TENM2: variants seen among roughly 807,000 people sequenced by gnomAD.
The protein encoded by TENM2 is teneurin transmembrane protein 2.
A neutral mutation model predicts 245.2 loss-of-function variants in TENM2; 52 were observed. The observed-to-expected ratio is 0.21, with a 90% CI of 0.17 to 0.27. The LOEUF (loss-of-function observed/expected upper bound fraction) is 0.27, where lower values mean the gene tolerates loss of function less well. Ranked by LOEUF, TENM2 falls within the 10% of genes least tolerant of loss-of-function variation. The pLI, the probability that TENM2 is intolerant of heterozygous loss-of-function variation, is 1.00. For synonymous variants in TENM2, 1,363 were observed against 1,438.9 expected, an observed-to-expected ratio of 0.95 and a Z score of 1.19; for missense variants, 3,046 against 3,666.8, an observed-to-expected ratio of 0.83 and a Z score of 4.37.
At chr5:167,525,160 C>T (rs1771023703) in intron 2 of TENM2, among the ~76,000 whole-genome samples, 1 of 152,084 alleles carries the variant, frequency 6.6e-6, no homozygotes, top group Admixed American at 6.6e-5. Flanking sequence ...GCTCCCAACC[C>T]TGCAGAACAT....
At chr5:167,048,780 T>C in the TENM2 span, among the ~76,000 whole-genome samples, 1 of 152,202 alleles carries the variant, frequency 6.6e-6, no homozygotes, top group African/African-American at 2.4e-5. Flanking sequence ...TAATTCCATG[T>C]GAAAAATTTA....
At chr5:167,045,039 C>A in the TENM2 span, among the ~76,000 whole-genome samples, 1 of 151,996 alleles carries the variant, frequency 6.6e-6, no homozygotes, top group Non-Finnish European at 1.5e-5. Flanking sequence ...GAGACTGGAC[C>A]TAGAGATGAG....
intron 3 of TENM2, among the ~76,000 whole-genome samples, chr5:167,890,099 G>T (rs1796961208): frequency 6.6e-6 from 1 of 152,126 alleles, no homozygotes; most frequent in African/African-American, 2.4e-5. Context: ...GGTGTCCCCT[G>T]GGCAGACCCT....
In TENM2 at chr5:167,770,566, G is replaced by A. The variant is rs13155825; in HGVS notation, c.503-105420G>A. Reference sequence around the variant, plus strand: ...TTCATTCCTTACTTAGGAAGTGGCAGATGTGGGATTTGAACCAGAACTTGC... The same window carrying A: ...TTCATTCCTTACTTAGGAAGTGGCAAATGTGGGATTTGAACCAGAACTTGC... On this transcript the variant is annotated intron_variant, in intron 2 of 28. Coordinates refer to ENST00000518659, the Ensembl canonical transcript of TENM2. 2.2e-3 allele frequency among the ~76,000 whole-genome samples: 340 copies of A among 152,314 alleles called. 3 individuals are homozygous for A. The highest frequency in any genetic ancestry group is 2.3e-3 in the Non-Finnish European group (157 of 68,030).
chr5:168,138,501 A>G (rs1755259622), intron 12 of TENM2, among the ~76,000 whole-genome samples: 1 of 152,258 alleles, frequency 6.6e-6, no homozygotes, highest in Non-Finnish European at 1.5e-5. Context: ...AAAATTCCAG[A>G]AAGAGAAGCC....
chr5:167,434,711 T>G (rs1764440979), intron 2 of TENM2, among the ~76,000 whole-genome samples: 1 of 152,092 alleles, frequency 6.6e-6, no homozygotes, highest in Admixed American at 6.6e-5. Context: ...ACTTTAGAAG[T>G]ATATGACAGG....
chr5:167,747,313 T>G (rs1419673291), intron 2 of TENM2, among the ~76,000 whole-genome samples: 1 of 152,140 alleles, frequency 6.6e-6, no homozygotes, highest in Non-Finnish European at 1.5e-5. Flanking sequence ...AAGCCCTTCC[T>G]TCTGGGTCTT....
At chr5:168,224,982 T>C (rs910541269) in intron 23 of TENM2, among the ~76,000 whole-genome samples, 3 of 152,026 alleles carry the variant, frequency 2.0e-5, no homozygotes, top group Non-Finnish European at 4.4e-5. Context: ...GGGAGAAAAC[T>C]CCACGGTGTG....
chr5:167,019,137 A>G, the TENM2 span, among the ~76,000 whole-genome samples: 1 of 125,108 alleles, frequency 8.0e-6, no homozygotes, highest in African/African-American at 2.6e-5. Context: ...AGATTTAGAT[A>G]AGGAATTTTT....
At chr5:167,046,937 G>A in the TENM2 span, among the ~76,000 whole-genome samples, 2 of 150,972 alleles carry the variant, frequency 1.3e-5, no homozygotes, top group East Asian at 2.0e-4. Context: ...CTCCCACTTA[G>A]GAGTGAGAAC....
chr5:168,053,446 T>C (rs1789279023), intron 6 of TENM2, among the ~76,000 whole-genome samples: 1 of 152,182 alleles, frequency 6.6e-6, no homozygotes, highest in African/African-American at 2.4e-5. Context: ...CACCCAGATA[T>C]CTGGTCTATG....
At chr5:167,780,634 C>T (rs1273388145) in intron 2 of TENM2, among the ~76,000 whole-genome samples, 1 of 152,174 alleles carries the variant, frequency 6.6e-6, no homozygotes, top group African/African-American at 2.4e-5. Context: ...TGCAGTGCTG[C>T]TGGCCATGAG....
chr5:167,741,950 T>G (rs1761204959), intron 2 of TENM2, among the ~76,000 whole-genome samples: 1 of 152,156 alleles, frequency 6.6e-6, no homozygotes, highest in African/African-American at 2.4e-5. Context: ...TTTGATTGGA[T>G]GCAGGAACAA....
chr5:168,233,472 A>G (rs1765131808), intron 25 of TENM2, among the ~76,000 whole-genome samples: 1 of 152,236 alleles, frequency 6.6e-6, no homozygotes, highest in Non-Finnish European at 1.5e-5. Flanking sequence ...TGTGCCTTCT[A>G]TAGGCGCCTT....
At chr5:167,540,450 C>T (rs1562039415) in intron 2 of TENM2, among the ~76,000 whole-genome samples, 2 of 152,130 alleles carry the variant, frequency 1.3e-5, no homozygotes, top group South Asian at 2.1e-4. Flanking sequence ...TTTCATGACA[C>T]GTGAAAATTA....
chr5:167,288,132 C>G (rs1754400860), intron 1 of TENM2, among the ~76,000 whole-genome samples: 1 of 152,054 alleles, frequency 6.6e-6, no homozygotes, highest in Non-Finnish European at 1.5e-5. Flanking sequence ...GCTTAGGAGT[C>G]TAGAGTTGGA....
At chr5:168,254,805 G>A (rs1767498049) in intron 27 of TENM2, among the ~76,000 whole-genome samples, 1 of 152,184 alleles carries the variant, frequency 6.6e-6, no homozygotes, top group Non-Finnish European at 1.5e-5. Flanking sequence ...CCAGCACTTT[G>A]GGAGGCTGAG....
chr5:167,006,540 G>A, the TENM2 span, among the ~76,000 whole-genome samples: 746 of 152,168 alleles, frequency 4.9e-3, 5 homozygotes, highest in Non-Finnish European at 5.8e-3. Context: ...TATTCTTCAG[G>A]AGAAATGCAT....
intron 2 of TENM2, among the ~76,000 whole-genome samples, chr5:167,872,471 A>C (rs66804094): frequency 0.58 from 69,090 of 119,590 alleles, 23,489 homozygotes; most frequent in South Asian, 0.8. Flanking sequence ...CGAAAGAAAG[A>C]AAGAAAGAAA....
Sources: allele counts gnomAD v4.1 joint callset (sites outside exome capture counted in the v4.1 genomes callset), GRCh38; gene constraint gnomAD v4.1.1; transcripts MANE v1.5; gene names NCBI Gene and HGNC (gene_info 2026-07-23, HGNC 2026-07-21).